MYOZ3: variants seen among roughly 807,000 people sequenced by gnomAD.
MYOZ3 encodes myozenin 3, also known as myozenin-3.
In MYOZ3, 19 loss-of-function variants were observed where a neutral mutation model predicts 26.5. That is an observed-to-expected ratio of 0.72 (90% CI 0.50 to 1.05). MYOZ3 has a LOEUF of 1.05. Among genes scored for constraint, MYOZ3 ranks in the 50% least tolerant of loss-of-function variants. The pLI is 0.00. For synonymous variants in MYOZ3, 135 were observed against 138.8 expected, an observed-to-expected ratio of 0.97 and a Z score of 0.19; for missense variants, 322 against 337.1, an observed-to-expected ratio of 0.96 and a Z score of 0.35.
chr5:150,675,231 T>C (rs1381416806), intron 6 of MYOZ3, among the ~76,000 whole-genome samples: 3 of 152,044 alleles, frequency 2.0e-5, no homozygotes, highest in African/African-American at 4.8e-5. Context: ...GGCGTTTGTG[T>C]GTGTGTGGGG....
intron 2 of MYOZ3, among the ~76,000 whole-genome samples, chr5:150,663,456 G>A (rs1425896238): frequency 6.6e-6 from 1 of 152,186 alleles, no homozygotes; most frequent in Non-Finnish European, 1.5e-5. Context: ...AGTGGAGAGA[G>A]TGGAGTAGGG....
chr5:150,665,467 A>G (rs1758793776), intron 2 of MYOZ3, among the ~76,000 whole-genome samples: 1 of 152,198 alleles, frequency 6.6e-6, no homozygotes, highest in African/African-American at 2.4e-5. Flanking sequence ...ACTGAGTCCC[A>G]GTTTTCACAA....
rs1421110193 is a variant in MYOZ3, at chr5:150,671,926, G to A, written c.424+18G>A. 2.7e-6 allele frequency: 4 copies of A among 1,508,870 alleles called. No individual in the cohort carries two copies. In the South Asian group the frequency reaches 5.1e-5, roughly 19 times the overall value. The allele number at this position is 1,508,870 out of a possible 1,614,324, so 93.5% of individuals were successfully genotyped here. A position where few individuals can be genotyped will look rare whatever the true frequency, so the allele number is the denominator to read the frequency against. The stretch of plus-strand genomic sequence containing the variant: ...GGCGCCAGGTGAGTGGCCTCCTCGG[G>A]TCCCGGGACCAGGGCTGGGGGGCCT... On this transcript the variant is annotated intron_variant, in intron 5 of 6. Transcript: ENST00000517768.
At chr5:150,676,492 TGAG>T (rs1759008182) in intron 6 of MYOZ3, among the ~76,000 whole-genome samples, 1 of 140,786 alleles carries the variant, frequency 7.1e-6, no homozygotes, top group African/African-American at 2.8e-5. Flanking sequence ...TGCAGTGAGC[TGAG>T]ATCACCCCAC....
chr5:150,672,688 G>C (rs574477030), intron 6 of MYOZ3, 186 bp downstream of exon 6: 15 of 639,764 alleles, frequency 2.3e-5, no homozygotes, highest in African/African-American at 1.3e-4. Context: ...CAGTTAACGT[G>C]GGAGAAATGA....
At chr5:150,663,516 T>C (rs2151442707) in intron 2 of MYOZ3, among the ~76,000 whole-genome samples, 1 of 152,324 alleles carries the variant, frequency 6.6e-6, no homozygotes, top group Admixed American at 6.5e-5. Context: ...AAGAGCAGGC[T>C]GCCCATTTGA....
Position 150,679,172 on chromosome 5 carries a change from C to T in MYOZ3, c.*2297C>T, listed in dbSNP as rs1317392811. 6.6e-6 allele frequency: 1 copy of T among 152,280 alleles called. No individual in the cohort carries two copies. Among genetic ancestry groups the T allele is most frequent in the African/African-American group, 2.4e-5 (1 of 41,440 alleles). 9.4% of individuals were successfully genotyped at this position (152,280 alleles called of 1,614,324 possible). On this transcript the variant is annotated 3_prime_UTR_variant, in exon 7 of 7. Coordinates refer to ENST00000517768, the MANE Select transcript of MYOZ3 (RefSeq NM_001122853.3). Reference sequence around the variant, plus strand: ...ATCTGAAAAGTAGACAAGAGGACTCCAGTTGCCTCAGGTTGGTTCTGCTGT... The same window carrying T: ...ATCTGAAAAGTAGACAAGAGGACTCTAGTTGCCTCAGGTTGGTTCTGCTGT...
intron 6 of MYOZ3, among the ~76,000 whole-genome samples, chr5:150,675,461 C>A (rs778329150): frequency 2.6e-5 from 4 of 152,160 alleles, no homozygotes; most frequent in Non-Finnish European, 4.4e-5. Context: ...CAACCTCTGC[C>A]TCTCAGGTTC....
At chr5:150,668,726 G>T (rs1203070203) in intron 2 of MYOZ3, among the ~76,000 whole-genome samples, 2 of 152,242 alleles carry the variant, frequency 1.3e-5, no homozygotes, top group Admixed American at 6.5e-5. Context: ...GGCTTCCTTT[G>T]TTGGCCAAAC....
rs1253942881 is a variant in MYOZ3 at position 150,665,547 on chromosome 5, G to A, written c.61+2545G>A. On this transcript the variant is annotated intron_variant, in intron 2 of 6. Transcript: ENST00000517768. Reference sequence around the variant, plus strand: ...GACATATTTATTCAACTTTTTCCCCGAGAATAAATTCCTAGAAATAGAAAT... The same window carrying A: ...GACATATTTATTCAACTTTTTCCCCAAGAATAAATTCCTAGAAATAGAAAT... Among the ~76,000 whole-genome samples the A allele has an allele frequency of 3.9e-5, 6 of 152,002 alleles. No homozygotes were observed. In the East Asian group the frequency reaches 5.8e-4, roughly 15 times the overall value.
chr5:150,672,114 A>G, intron 5 of MYOZ3: 1 of 1,055,298 alleles, frequency 9.5e-7, no homozygotes, highest in Non-Finnish European at 1.4e-6. Context: ...GCCAAGACCA[A>G]CCCGCGCTGC....
At chr5:150,663,993 TAA>T (rs1183750404) in intron 2 of MYOZ3, among the ~76,000 whole-genome samples, 46 of 129,602 alleles carry the variant, frequency 3.5e-4, no homozygotes, top group African/African-American at 4.9e-4. Flanking sequence ...ACTCTGTCTC[TAA>T]AAAAAAAAAA....
intron 6 of MYOZ3, 43 bp from the exon 7 acceptor site, chr5:150,676,664 C>T: frequency 6.3e-7 from 1 of 1,595,168 alleles, no homozygotes. Flanking sequence ...ACTGCTGTCC[C>T]TGTTCCACAC....
chr5:150,664,999 T>A (rs1182618018), intron 2 of MYOZ3, among the ~76,000 whole-genome samples: 1 of 151,502 alleles, frequency 6.6e-6, no homozygotes, highest in African/African-American at 2.4e-5. Flanking sequence ...GGCTAAATAC[T>A]ATATGCTATG....
intron 2 of MYOZ3, among the ~76,000 whole-genome samples, chr5:150,666,630 A>ATATATATATATATATAT (rs759319162): frequency 3.3e-5 from 4 of 123,048 alleles, no homozygotes; most frequent in African/African-American, 1.3e-4. Flanking sequence ...AAAAAAAAAA[A>ATATATATATATATATAT]ATATATATAT....
chr5:150,663,012 T>A lies in MYOZ3; in HGVS notation c.61+10T>A. ...GACCTCACTGAACCAGGTAAGGTGG[T>A]TCTAGCCTCATGCCTTCCTCAGACT... On this transcript the variant is annotated intron_variant, in intron 2 of 6. Transcript: ENST00000517768. 1 of 1,601,788 alleles carries A rather than the reference T, an allele frequency of 6.2e-7. No homozygotes were observed. The highest frequency in any genetic ancestry group is 1.7e-5 in the Admixed American group (1 of 57,660).
intron 2 of MYOZ3, among the ~76,000 whole-genome samples, chr5:150,665,212 C>T (rs1027465156): frequency 6.6e-6 from 1 of 152,114 alleles, no homozygotes; most frequent in Non-Finnish European, 1.5e-5. Flanking sequence ...TGAGAACGTG[C>T]TCTCGGAAGG....
chr5:150,665,375 T>C (rs1025488883), intron 2 of MYOZ3, among the ~76,000 whole-genome samples: 10 of 152,184 alleles, frequency 6.6e-5, no homozygotes, highest in Admixed American at 1.3e-4. Flanking sequence ...GGAGCATCCA[T>C]TCCACTGGCA....
Position 150,678,597 on chromosome 5 carries a change from G to C in MYOZ3, c.*1722G>C, listed in dbSNP as rs906924092. 2 of 152,368 alleles carry C rather than the reference G, an allele frequency of 1.3e-5. No homozygotes were observed. The highest frequency in any genetic ancestry group is 4.8e-5 in the African/African-American group (2 of 41,454). 9.4% of individuals were successfully genotyped at this position (152,368 alleles called of 1,614,324 possible). A position where few individuals can be genotyped will look rare whatever the true frequency, so the allele number is the denominator to read the frequency against. ...AAGTTGAGTGCAGGCTTGGGAGTCA[G>C]ACTGGATGGGGTAGGTTCTAACTCT... On this transcript the variant is annotated 3_prime_UTR_variant, in exon 7 of 7. Transcript: ENST00000517768.
Sources: gnomAD v4.1 joint callset for allele counts (sites outside exome capture counted in the v4.1 genomes callset) on GRCh38, gnomAD v4.1.1 for gene constraint, MANE v1.5 for transcripts, NCBI Gene and HGNC (gene_info 2026-07-23, HGNC 2026-07-21) for gene names.